Variants in KIF17 observed in about 807,000 individuals in gnomAD.
KIF17 encodes kinesin-like protein KIF17.
Under a neutral mutation model 96.8 loss-of-function variants are expected in KIF17, and 80 were observed. That is an observed-to-expected ratio of 0.83 (90% CI 0.69 to 1.00). The LOEUF (loss-of-function observed/expected upper bound fraction) is 1.00, where lower values mean the gene tolerates loss of function less well. Ranked by LOEUF, KIF17 falls within the 50% of genes least tolerant of loss-of-function variation. The probability of loss-of-function intolerance (pLI) is 0.00; values close to 1 mark genes in which losing one functional copy is unlikely to be tolerated. For missense variants in KIF17, 1,280 were observed against 1,372.9 expected, an observed-to-expected ratio of 0.93 and a Z score of 1.07; for synonymous variants, 567 against 587.5, an observed-to-expected ratio of 0.97 and a Z score of 0.51.
At position 20,704,531 on chromosome 1, in the gene KIF17, C is replaced by G. The variant is rs1256816711; in HGVS notation, c.1039G>C (p.Asp347His). 1 of 1,614,226 alleles carries G rather than the reference C, an allele frequency of 6.2e-7. No individual in the cohort carries two copies. Among genetic ancestry groups the G allele is most frequent in the Admixed American group, 1.7e-5 (1 of 60,036 alleles). Residue 347 changes from aspartate (D) to histidine (H), a missense_variant, in exon 5 of 15, where the codon GAT becomes CAT. Coordinates refer to ENST00000400463, the MANE Select transcript of KIF17 (RefSeq NM_001122819.3). This position sits in a 1 kb window ranked among gnomAD's most constrained non-coding sequence, Gnocchi z 6.8. ...TCCTGGTACTCGCGAAGCAGCGCATCCTTGGGGTCCTCATTGATGCGCGGC... is the reference window on the plus strand; with the variant it reads ...TCCTGGTACTCGCGAAGCAGCGCATGCTTGGGGTCCTCATTGATGCGCGGC... Reference protein sequence around the residue: ...NKPRINEDPKDALLREYQEEI... With the variant: ...NKPRINEDPKHALLREYQEEI...
chr1:20,664,411 C>T lies in KIF17; in HGVS notation c.*173G>A, dbSNP rs148080180. On this transcript the variant is annotated 3_prime_UTR_variant, in exon 15 of 15. Transcript: ENST00000400463. ...GCCTCCGAGGGGCTCCTGCCCAGGG[C>T]GGAGGTGGGCTCTCTGGGGAACAGG... 9.0e-4 allele frequency: 1,361 copies of T among 1,513,150 alleles called. 8 individuals are homozygous for T. The East Asian group carries it at 0.014, about 16-fold the overall frequency. 93.7% of individuals were successfully genotyped at this position (1,513,150 alleles called of 1,614,324 possible).
At chr1:20,676,866 A>G (rs1361783048) in intron 11 of KIF17, among the ~76,000 whole-genome samples, 1 of 151,962 alleles carries the variant, frequency 6.6e-6, no homozygotes, top group African/African-American at 2.4e-5. Flanking sequence ...AACAACAACA[A>G]CAAAAAACTA....
Position 20,687,270 on chromosome 1 carries a change from G to T in KIF17, c.1938+118C>A, listed in dbSNP as rs2053953990. On this transcript the variant is annotated intron_variant, in intron 8 of 14. Coordinates refer to ENST00000400463, the MANE Select transcript of KIF17 (RefSeq NM_001122819.3). This position sits in a 1 kb window ranked among gnomAD's most constrained non-coding sequence, Gnocchi z 4.4. ...CCAGAGCCGCAGCAGACACAGTGGA[G>T]CCACGGCCTGAGTGTCGGAGGCCAT... The T allele has an allele frequency of 8.6e-7, 1 of 1,159,590 alleles. No homozygotes were observed. The highest frequency in any genetic ancestry group is 1.3e-6 in the Non-Finnish European group (1 of 778,832). 71.8% of individuals were successfully genotyped at this position (1,159,590 alleles called of 1,614,324 possible).
chr1:20,682,864 T>C lies in KIF17; in HGVS notation c.2252A>G (p.Gln751Arg), dbSNP rs1348537861. ...CTTGGCCTGCTCTCCACCCACAACC[T>C]GCTGCTCCAACAGCTGCAGACTGCC... ...VLARLQLLEQ[Q>R]VVGGEQAKNK... Residue 751 changes from glutamine to arginine, a missense_variant, in exon 11 of 15, where the codon CAG (glutamine) becomes CGG (arginine). Transcript: ENST00000400463. The C allele has an allele frequency of 1.2e-6, 2 of 1,611,030 alleles. No homozygotes were observed.
chr1:20,716,672 G>A lies in KIF17; in HGVS notation c.231+804C>T, dbSNP rs1243425067. Among the ~76,000 whole-genome samples the A allele has an allele frequency of 2.0e-5, 3 of 152,308 alleles. No homozygotes were observed. In the East Asian group the frequency reaches 5.8e-4, roughly 29 times the overall value. On this transcript the variant is annotated intron_variant, in intron 1 of 14. Coordinates refer to ENST00000400463, the MANE Select transcript of KIF17 (RefSeq NM_001122819.3). ...ACAGATGAGGTGTGGAGAGCAGGAG[G>A]GACTAGGGGAGGGGTGGAAGATGAG...
Position 20,704,924 on chromosome 1 carries a change from C to A in KIF17, c.671-25G>T, listed in dbSNP as rs762986089. The A allele has an allele frequency of 6.3e-7, 1 of 1,592,968 alleles. No homozygotes were observed. The highest frequency in any genetic ancestry group is 8.5e-7 in the Non-Finnish European group (1 of 1,175,030). On this transcript the variant is annotated intron_variant, in intron 4 of 14. Coordinates refer to ENST00000400463, the MANE Select transcript of KIF17 (RefSeq NM_001122819.3). This position sits in a 1 kb window ranked among gnomAD's most constrained non-coding sequence, Gnocchi z 6.8. Reference sequence around the variant, plus strand: ...TCTGCACACAGACCAGGCAAAGTGGCGAGGGCCTCGGGTGAGCCCTATGTA... The same window carrying A: ...TCTGCACACAGACCAGGCAAAGTGGAGAGGGCCTCGGGTGAGCCCTATGTA...
At chr1:20,667,541 C>A (rs2053550577) in intron 13 of KIF17, among the ~76,000 whole-genome samples, 1 of 152,198 alleles carries the variant, frequency 6.6e-6, no homozygotes, top group African/African-American at 2.4e-5. Flanking sequence ...CCCGTCCTGA[C>A]CTGTGGAAAA....
rs1213744474 is a variant in KIF17, at chr1:20,717,822, C to T, written c.-116G>A. ...GGCCACGGGGGGCGGGGCCTTGAGG[C>T]AGGGGCGGGGCCGCGGCGGGGGGCG... On this transcript the variant is annotated 5_prime_UTR_variant, in exon 1 of 15. Transcript: ENST00000400463. The T allele has an allele frequency of 4.0e-5, 46 of 1,138,954 alleles. No homozygotes were observed. Among genetic ancestry groups the T allele is most frequent in the Admixed American group, 3.3e-4 (7 of 21,520 alleles). 70.6% of individuals were successfully genotyped at this position (1,138,954 alleles called of 1,614,324 possible). A position where few individuals can be genotyped will look rare whatever the true frequency, so the allele number is the denominator to read the frequency against.
Position 20,698,458 on chromosome 1 carries a change from G to A in KIF17, c.1154C>T (p.Pro385Leu), listed in dbSNP as rs1417902463. Residue 385 changes from proline (P) to leucine (L), a missense_variant, in exon 6 of 15, where the codon CCT (proline) becomes CTT (leucine). Coordinates refer to ENST00000400463, the MANE Select transcript of KIF17 (RefSeq NM_001122819.3). ...ALLSRQVPPD[P>L]VQVEEKLLPQ... ...CAACAGCTTCTCCTCCACCTGCACA[G>A]GGTCTGGGGGCACCTGCCTGGACAG... is the stretch of plus-strand genomic sequence containing the variant. 1.2e-6 allele frequency: 2 copies of A among 1,613,530 alleles called. No individual in the cohort carries two copies. The highest frequency in any genetic ancestry group is 1.1e-5 in the South Asian group (1 of 91,080).
rs191122297 is a variant in KIF17 at position 20,695,456 on chromosome 1, T to C, written c.1233+2923A>G. Among the ~76,000 whole-genome samples, 252 of 152,312 alleles carry C rather than the reference T, an allele frequency of 1.7e-3. 1 individual carries two copies. The highest frequency in any genetic ancestry group is 5.8e-3 in the African/African-American group (241 of 41,554). ...CGCCCGCCTCGGCCTCCCAAAGTGC[T>C]GGGATTACAGGCATGAGCCACTGCA... On this transcript the variant is annotated intron_variant, in intron 6 of 14. Transcript: ENST00000400463.
intron 11 of KIF17, among the ~76,000 whole-genome samples, chr1:20,675,847 T>C (rs1441984127): frequency 6.6e-6 from 1 of 152,186 alleles, no homozygotes; most frequent in Non-Finnish European, 1.5e-5. Context: ...TACTTTCACA[T>C]TTTTTCATTG....
At chr1:20,670,545 G>T (rs2053630330) in intron 12 of KIF17, 57 bp from the exon 13 acceptor site, 11 of 1,540,206 alleles carry the variant, frequency 7.1e-6, no homozygotes, top group Non-Finnish European at 9.9e-6. Flanking sequence ...GCCTAGAGGA[G>T]GGCACAGGTG....
rs146714930 is a variant in KIF17 at position 20,715,498 on chromosome 1, C to A, written c.373G>T (p.Val125Phe). Residue 125 changes from valine (V) to phenylalanine (F), a missense_variant, in exon 2 of 15, where the codon GTC (valine) becomes TTC (phenylalanine). Physicochemically the swap from Val to Phe is conservative, Grantham distance 50. Coordinates refer to ENST00000400463, the MANE Select transcript of KIF17 (RefSeq NM_001122819.3). ...PRAFEHVFES[V>F]QCAENTKFLV... ...TCCCTCTGCGAGGCCCGTACCTGGA[C>A]GCTCTCGAACACGTGCTCGAAGGCC... 6.2e-7 allele frequency: 1 copy of A among 1,612,590 alleles called. No homozygotes were observed. Among genetic ancestry groups the A allele is most frequent in the Non-Finnish European group, 8.5e-7 (1 of 1,180,028 alleles).
rs776191053 is a variant in KIF17, at chr1:20,717,639, C to T, written c.68G>A (p.Arg23His). Residue 23 changes from arginine (R) to histidine (H), a missense_variant, in exon 1 of 15, where the codon CGC (arginine) becomes CAC (histidine). Physicochemically the swap from Arg to His is conservative, Grantham distance 29 (BLOSUM62 0). Coordinates refer to ENST00000400463, the MANE Select transcript of KIF17 (RefSeq NM_001122819.3). ...RPMNQREREL[R>H]CQPVVTVDCA... ...GTCCACAGTCACCACGGGCTGGCAG[C>T]GCAGCTCTCGCTCCCGCTGGTTCAT... 3.1e-6 allele frequency: 5 copies of T among 1,607,462 alleles called. No individual in the cohort carries two copies. Among genetic ancestry groups the T allele is most frequent in the Admixed American group, 3.3e-5 (2 of 59,896 alleles).
intron 14 of KIF17, among the ~76,000 whole-genome samples, chr1:20,665,241 T>C (rs1204516134): frequency 9.6e-4 from 130 of 135,536 alleles, no homozygotes; most frequent in African/African-American, 3.3e-3. Context: ...TTTTTTTTTT[T>C]TTTTTAGAAA....
Position 20,690,335 on chromosome 1 carries a change from CCT to C in KIF17, c.1234-2_1234-1del. ...AGCCGGGCCAGGCGCTCTTCATACT[CCT>C]GGGGGGGTGGGAGGGACCAGAGGGC... On this transcript the variant is annotated splice_acceptor_variant, in intron 6 of 14. Coordinates refer to ENST00000400463, the MANE Select transcript of KIF17 (RefSeq NM_001122819.3). LOFTEE classifies it high-confidence loss of function. The C allele has an allele frequency of 2.0e-6, 1 of 502,888 alleles. No individual in the cohort carries two copies. Among genetic ancestry groups the C allele is most frequent in the Non-Finnish European group, 4.0e-6 (1 of 252,660 alleles). The allele number at this position is 502,888 out of a possible 1,614,324, so 31.2% of individuals were successfully genotyped here.
intron 4 of KIF17, among the ~76,000 whole-genome samples, chr1:20,707,285 C>T (rs1453387101): frequency 2.0e-5 from 3 of 152,132 alleles, no homozygotes; most frequent in Non-Finnish European, 4.4e-5. Flanking sequence ...TGACTTGCAG[C>T]ACTGGGAAAC....
chr1:20,686,343 C>T, intron 8 of KIF17: 1 of 612,084 alleles, frequency 1.6e-6, no homozygotes, highest in Non-Finnish European at 3.0e-6. Context: ...GTGGTGGGCA[C>T]CTGCTGTGTG....
At chr1:20,671,658 A>G (rs909089355) in intron 12 of KIF17, among the ~76,000 whole-genome samples, 2 of 152,198 alleles carry the variant, frequency 1.3e-5, no homozygotes, top group Non-Finnish European at 2.9e-5. Context: ...CAAACCTTAC[A>G]GCAACTTTAA....
Sources: gnomAD v4.1 joint callset for allele counts (sites outside exome capture counted in the v4.1 genomes callset) on GRCh38, gnomAD v4.1.1 for gene constraint, Gnocchi (gnomAD v3.1) non-coding constraint, MANE v1.5 for transcripts, NCBI Gene and HGNC (gene_info 2026-07-23, HGNC 2026-07-21) for gene names.